The following ARHGEF16 variants were observed in gnomAD, a reference collection of about 807,000 sequenced individuals.
The protein encoded by ARHGEF16 is Rho guanine exchange factor (GEF) 16.
ARHGEF16 carries 59 observed loss-of-function variants against 74.1 expected under a neutral mutation model. That is an observed-to-expected ratio of 0.80 (90% CI 0.65 to 0.99). The LOEUF is 0.99. Ranked by LOEUF, ARHGEF16 falls within the 50% of genes least tolerant of loss-of-function variation. The probability of loss-of-function intolerance (pLI) is 0.00; values close to 1 mark genes in which losing one functional copy is unlikely to be tolerated. For missense variants in ARHGEF16, 948 were observed against 986.6 expected (o/e 0.96, Z 0.52); for synonymous variants, 415 against 412.6 (o/e 1.01, Z -0.07).
Position 3,463,402 on chromosome 1 carries a change from G to A in ARHGEF16, c.318G>A (p.Gln106=). Residue 106 remains glutamine (Q), a synonymous_variant, in exon 2 of 15, where the codon CAG becomes CAA. Coordinates refer to ENST00000378378, the MANE Select transcript of ARHGEF16 (RefSeq NM_014448.4). ...ASKAKTPARH[Q]SFGAAVLSRE... Reference sequence around the variant, plus strand: ...AGGCAAAGACCCCAGCCCGCCACCAGAGCTTCGGGGCGGCTGTACTTAGCA... The same window carrying A: ...AGGCAAAGACCCCAGCCCGCCACCAAAGCTTCGGGGCGGCTGTACTTAGCA... 1.3e-6 allele frequency: 2 copies of A among 1,550,178 alleles called. No individual in the cohort carries two copies. The highest frequency in any genetic ancestry group is 2.4e-5 in the South Asian group (2 of 84,052).
chr1:3,476,488 G>C (rs987486474), intron 10 of ARHGEF16, among the ~76,000 whole-genome samples: 1 of 152,158 alleles, frequency 6.6e-6, no homozygotes, highest in Admixed American at 6.5e-5. Flanking sequence ...TTCAGGGCCA[G>C]CCCAGATTCC....
At chr1:3,465,680 G>A (rs1639522833) in intron 2 of ARHGEF16, among the ~76,000 whole-genome samples, 1 of 152,192 alleles carries the variant, frequency 6.6e-6, no homozygotes, top group African/African-American at 2.4e-5. Context: ...GAGCGTGGGG[G>A]CTTCCCAGGA....
intron 13 of ARHGEF16, 100 bp downstream of exon 13, chr1:3,479,690 G>T (rs1227328590): frequency 3.8e-6 from 6 of 1,560,740 alleles, no homozygotes; most frequent in Non-Finnish European, 5.2e-6. Context: ...CCTTGTGCTG[G>T]GGCCTGGCAG....
At chr1:3,472,710 T>A in intron 6 of ARHGEF16, 3 of 174,152 alleles carry the variant, frequency 1.7e-5, no homozygotes, top group Non-Finnish European at 2.4e-5. Flanking sequence ...GGAAGGAGCT[T>A]GAAGGGCGAA....
chr1:3,458,053 G>C (rs577864453), intron 1 of ARHGEF16, among the ~76,000 whole-genome samples: 1 of 152,300 alleles, frequency 6.6e-6, no homozygotes, highest in East Asian at 1.9e-4. Context: ...GTTGGTTCTT[G>C]GCACGGAACA....
chr1:3,463,755 T>C, intron 2 of ARHGEF16, 83 bp downstream of exon 2: 2 of 1,194,444 alleles, frequency 1.7e-6, no homozygotes, highest in Non-Finnish European at 2.2e-6. Context: ...CGTCATCTTC[T>C]GCATCATGGC....
At chr1:3,459,072 G>A (rs1355477689) in intron 1 of ARHGEF16, among the ~76,000 whole-genome samples, 2 of 152,220 alleles carry the variant, frequency 1.3e-5, no homozygotes, top group Admixed American at 1.3e-4. Flanking sequence ...AATCTGCGCA[G>A]CCCTAGACAA....
chr1:3,476,942 C>T (rs1212614656), intron 10 of ARHGEF16, among the ~76,000 whole-genome samples: 2 of 152,104 alleles, frequency 1.3e-5, no homozygotes, highest in Non-Finnish European at 2.9e-5. Context: ...TCTCCCTGAT[C>T]CTCTCGAGTC....
intron 13 of ARHGEF16, 55 bp from the exon 14 acceptor site, chr1:3,479,757 G>A (rs1640003524): frequency 9.4e-6 from 15 of 1,588,108 alleles, no homozygotes; most frequent in African/African-American, 2.7e-5. Flanking sequence ...CCGTTGGGGA[G>A]TGGAGCCTGG....
chr1:3,465,637 A>G (rs1049054739), intron 2 of ARHGEF16, among the ~76,000 whole-genome samples: 1 of 152,192 alleles, frequency 6.6e-6, no homozygotes, highest in South Asian at 2.1e-4. Context: ...GTGGTGTCCC[A>G]GCCGAGGAGG....
chr1:3,460,055 AGAAAAACTGAAAAACAG>A (rs1639356473), intron 1 of ARHGEF16, among the ~76,000 whole-genome samples: 1 of 152,226 alleles, frequency 6.6e-6, no homozygotes, highest in Non-Finnish European at 1.5e-5. Flanking sequence ...ATAGTTCTTT[AGAAAAACTGAAAAACAG>A]AAGGCAACGG....
At chr1:3,474,948 CTG>C (rs1557696664) in intron 9 of ARHGEF16, among the ~76,000 whole-genome samples, 166 bp downstream of exon 9, 1 of 151,610 alleles carries the variant, frequency 6.6e-6, no homozygotes, top group Non-Finnish European at 1.5e-5. Context: ...GACAGGGAAA[CTG>C]AGGCCCAGAG....
chr1:3,464,984 C>T (rs764451776), intron 2 of ARHGEF16, among the ~76,000 whole-genome samples: 1 of 152,212 alleles, frequency 6.6e-6, no homozygotes, highest in East Asian at 1.9e-4. Flanking sequence ...GCACCAGCCA[C>T]TGTCCTCGGT....
At chr1:3,463,712 T>C in intron 2 of ARHGEF16, 40 bp downstream of exon 2, 2 of 1,354,014 alleles carry the variant, frequency 1.5e-6, no homozygotes, top group Non-Finnish European at 1.9e-6. Context: ...AGGGGGCTGC[T>C]AGGCAGAGGG....
rs367708965 is a variant in ARHGEF16, at chr1:3,474,799, C to T, written c.1380+17C>T. On this transcript the variant is annotated intron_variant, in intron 9 of 14. Coordinates refer to ENST00000378378, the MANE Select transcript of ARHGEF16 (RefSeq NM_014448.4). ...ATCAGCAAGGTAAGATGGGGCCTGG[C>T]CCCAGCCCTACCCGAGTCCTGTACC... 4.3e-6 allele frequency: 7 copies of T among 1,611,286 alleles called. No homozygotes were observed. The highest frequency in any genetic ancestry group is 2.7e-5 in the African/African-American group (2 of 74,926).
At position 3,477,917 on chromosome 1, in the gene ARHGEF16, G is replaced by A. The variant is rs150993772; in HGVS notation, c.1516G>A (p.Gly506Arg). ...ISASRWLLKRGELFLVEETGL... is the reference protein window; with the variant it reads ...ISASRWLLKRRELFLVEETGL... Reference sequence around the variant, plus strand: ...TGCCTCCCGGTGGCTGCTGAAGCGCGGAGAGCTGTTCTTAGTGGAAGAAAC... The same window carrying A: ...TGCCTCCCGGTGGCTGCTGAAGCGCAGAGAGCTGTTCTTAGTGGAAGAAAC... The change falls in exon 11 of 15, where the codon GGA becomes AGA. Residue 506 changes from glycine to arginine, a missense_variant. Physicochemically the swap from Gly to Arg is moderately radical, Grantham distance 125. Transcript: ENST00000378378. 2.7e-5 allele frequency: 43 copies of A among 1,612,518 alleles called. No individual in the cohort carries two copies. The highest frequency in any genetic ancestry group is 2.1e-4 in the South Asian group (19 of 91,080).
intron 8 of ARHGEF16, chr1:3,473,952 G>A: frequency 3.7e-6 from 1 of 272,480 alleles, no homozygotes; most frequent in Non-Finnish European, 7.1e-6. Context: ...TGGGCTGTGT[G>A]TGTGGGATGC....
intron 10 of ARHGEF16, among the ~76,000 whole-genome samples, chr1:3,476,526 G>T (rs1051135122): frequency 6.6e-6 from 1 of 152,110 alleles, no homozygotes; most frequent in African/African-American, 2.4e-5. Context: ...TTGGATTCTG[G>T]GTAGGGTGAA....
chr1:3,467,239 G>A lies in ARHGEF16; in HGVS notation c.706G>A (p.Asp236Asn), dbSNP rs933756988. The A allele has an allele frequency of 7.1e-6, 11 of 1,550,436 alleles. No individual in the cohort carries two copies. The highest frequency in any genetic ancestry group is 2.4e-5 in the South Asian group (2 of 84,056). The change falls in exon 4 of 15, where the codon GAT becomes AAT. Residue 236 changes from aspartate (D) to asparagine (N), a missense_variant. Asp to Asn is a conservative substitution (Grantham distance 23, BLOSUM62 1). Transcript: ENST00000378378. ...CCAGGAGTCTGATGACGACATCCTCGATGAGTCCTCCAGCCCCGAGGGAAC... is the reference window on the plus strand; with the variant it reads ...CCAGGAGTCTGATGACGACATCCTCAATGAGTCCTCCAGCCCCGAGGGAAC... ...TSQESDDDIL[D>N]ESSSPEGTQK...
Sources: allele counts gnomAD v4.1 joint callset (sites outside exome capture counted in the v4.1 genomes callset), GRCh38; gene constraint gnomAD v4.1.1; transcripts MANE v1.5; gene names NCBI Gene and HGNC (gene_info 2026-07-23, HGNC 2026-07-21).